AOAH: variants seen among roughly 807,000 people sequenced by gnomAD.
AOAH encodes the protein acyloxyacyl hydrolase.
In AOAH, 64 loss-of-function variants were observed where a neutral mutation model predicts 92.2. The ratio of observed to expected loss-of-function variants is 0.69; its 90% CI spans 0.57 to 0.86. The LOEUF (loss-of-function observed/expected upper bound fraction) is 0.86. AOAH is among the 40% of genes least tolerant of loss of function. AOAH has a pLI of 0.00. For missense variants in AOAH, 656 were observed against 694.6 expected (o/e 0.94, Z 0.62); for synonymous variants, 263 against 254.5 (o/e 1.03, Z -0.32).
chr7:36,720,374 T>C (rs1043360739), intron 1 of AOAH, among the ~76,000 whole-genome samples: 14 of 152,086 alleles, frequency 9.2e-5, no homozygotes, highest in African/African-American at 3.1e-4. Context: ...GGTTTCACCA[T>C]ATTGACCAGG....
chr7:36,679,823 A>G (rs1406866116), intron 2 of AOAH, among the ~76,000 whole-genome samples: 1 of 152,000 alleles, frequency 6.6e-6, no homozygotes, highest in Non-Finnish European at 1.5e-5. Context: ...ACGCCCAGTT[A>G]ATTTTTGTAT....
At chr7:36,604,621 C>G (rs1349687973) in intron 11 of AOAH, among the ~76,000 whole-genome samples, 4 of 152,192 alleles carry the variant, frequency 2.6e-5, no homozygotes, top group African/African-American at 4.8e-5. Context: ...TGTGCCTTCA[C>G]TTGGTCTTTT....
Position 36,627,389 on chromosome 7 carries a change from G to A in AOAH, c.522-4139C>T, listed in dbSNP as rs910872891. Reference sequence around the variant, plus strand: ...ACGGGAATTCTTTCAACGTAGCTCCGGGTTCTGAAATTAGATTCTCTGGGT... The same window carrying A: ...ACGGGAATTCTTTCAACGTAGCTCCAGGTTCTGAAATTAGATTCTCTGGGT... On this transcript the variant is annotated intron_variant, in intron 6 of 20. Coordinates refer to ENST00000617537, the MANE Select transcript of AOAH (RefSeq NM_001637.4). Among the ~76,000 whole-genome samples, 7 of 151,826 alleles carry A rather than the reference G, an allele frequency of 4.6e-5. No individual in the cohort carries two copies. The South Asian group carries it at 8.3e-4, about 18-fold the overall frequency.
rs900587323 is a variant in AOAH, at chr7:36,606,354, C to T, written c.846+10026G>A. Among the ~76,000 whole-genome samples, 9 of 152,116 alleles carry T rather than the reference C, an allele frequency of 5.9e-5. No individual in the cohort carries two copies. The East Asian group carries it at 1.2e-3, about 20-fold the overall frequency. On this transcript the variant is annotated intron_variant, in intron 11 of 20. Transcript: ENST00000617537. Reference sequence around the variant, plus strand: ...GCATATAAGCTTGAGAGATGGGAGCCGCTTTGCTCTCTAGTGAATATGCAT... The same window carrying T: ...GCATATAAGCTTGAGAGATGGGAGCTGCTTTGCTCTCTAGTGAATATGCAT...
intron 1 of AOAH, among the ~76,000 whole-genome samples, chr7:36,688,361 C>A (rs545381599): frequency 6.6e-6 from 1 of 151,860 alleles, no homozygotes; most frequent in African/African-American, 2.4e-5. Flanking sequence ...ACAGAGATAA[C>A]CAATTTCACT....
intron 5 of AOAH, among the ~76,000 whole-genome samples, chr7:36,635,938 T>C (rs1205989685): frequency 6.6e-6 from 1 of 152,222 alleles, no homozygotes; most frequent in East Asian, 1.9e-4. Flanking sequence ...ATCCATGAAA[T>C]GTTCCCTCTA....
intron 13 of AOAH, among the ~76,000 whole-genome samples, chr7:36,574,040 A>G (rs1562583159): frequency 6.6e-6 from 1 of 152,216 alleles, no homozygotes; most frequent in East Asian, 1.9e-4. Context: ...TTGCTGCGTA[A>G]TATCAAAAGA....
chr7:36,715,286 CA>C (rs1417663935), intron 1 of AOAH, among the ~76,000 whole-genome samples: 1 of 152,098 alleles, frequency 6.6e-6, no homozygotes, highest in African/African-American at 2.4e-5. Flanking sequence ...AGGACCTCTT[CA>C]GGGAGAACTA....
chr7:36,532,519 C>G lies in AOAH; in HGVS notation c.1307-175G>C, dbSNP rs757589099. Among the ~76,000 whole-genome samples the G allele has an allele frequency of 8.3e-4, 127 of 152,128 alleles. 1 individual carries two copies. Among genetic ancestry groups the G allele is most frequent in the Non-Finnish European group, 1.5e-3 (102 of 68,024 alleles). On this transcript the variant is annotated intron_variant, in intron 16 of 20. Transcript: ENST00000617537. ...CTGTGCTTTCCTCCTTTCTGAGCCT[C>G]TAGAAATTCAGACCCAGAGTTGAGG...
At chr7:36,675,034 C>A (rs539313284) in intron 2 of AOAH, among the ~76,000 whole-genome samples, 1 of 152,204 alleles carries the variant, frequency 6.6e-6, no homozygotes, top group Non-Finnish European at 1.5e-5. Flanking sequence ...GCGGGTAGAT[C>A]GCCTGCGGTC....
At chr7:36,543,943 C>CTTTTTTTTTTTTTTTTT (rs1407764591) in intron 15 of AOAH, among the ~76,000 whole-genome samples, 2 of 82,794 alleles carry the variant, frequency 2.4e-5, no homozygotes, top group Non-Finnish European at 5.0e-5. Flanking sequence ...TTCTTTCTTT[C>CTTTTTTTTTTTTTTTTT]TTTCTTTTTT....
chr7:36,709,199 G>C (rs1798612402), intron 1 of AOAH, among the ~76,000 whole-genome samples: 1 of 152,120 alleles, frequency 6.6e-6, no homozygotes, highest in African/African-American at 2.4e-5. Flanking sequence ...TGTAGGTTCT[G>C]CTTGTTAATT....
intron 1 of AOAH, among the ~76,000 whole-genome samples, chr7:36,722,246 A>G (rs1055327421): frequency 1.4e-4 from 21 of 152,068 alleles, no homozygotes; most frequent in Admixed American, 3.9e-4. Context: ...TAATAGAAAA[A>G]CCAGAGCAAC....
chr7:36,716,306 TA>T (rs1476673293), intron 1 of AOAH, among the ~76,000 whole-genome samples: 4 of 151,372 alleles, frequency 2.6e-5, no homozygotes, highest in African/African-American at 7.3e-5. Flanking sequence ...TGGCGATCAT[TA>T]AAAAGTCAGG....
intron 1 of AOAH, among the ~76,000 whole-genome samples, chr7:36,711,209 T>C (rs1043835839): frequency 3.3e-5 from 5 of 152,218 alleles, no homozygotes; most frequent in East Asian, 3.8e-4. Context: ...GCATTCATTC[T>C]GTCTAGGAAA....
chr7:36,645,288 A>G (rs1437906524), intron 4 of AOAH, among the ~76,000 whole-genome samples: 2 of 152,174 alleles, frequency 1.3e-5, no homozygotes, highest in Non-Finnish European at 2.9e-5. Context: ...TTTTCTCCAC[A>G]TGAGAACAAA....
At chr7:36,681,401 G>C (rs1448772058) in intron 2 of AOAH, among the ~76,000 whole-genome samples, 1 of 152,004 alleles carries the variant, frequency 6.6e-6, no homozygotes, top group Non-Finnish European at 1.5e-5. Flanking sequence ...AAATCATGTT[G>C]CGTGAAAAAA....
chr7:36,522,213 C>T (rs1379802729), intron 19 of AOAH, 98 bp from the exon 20 acceptor site: 2 of 1,070,508 alleles, frequency 1.9e-6, no homozygotes, highest in East Asian at 2.5e-5. Flanking sequence ...CCCTCCCGGG[C>T]CCATGTTGAC....
chr7:36,651,268 A>G (rs1428304702), intron 4 of AOAH, among the ~76,000 whole-genome samples: 1 of 152,184 alleles, frequency 6.6e-6, no homozygotes, highest in Non-Finnish European at 1.5e-5. Context: ...TACTTAATTT[A>G]TTCTACATAA....
Sources: gnomAD v4.1 joint callset for allele counts (sites outside exome capture counted in the v4.1 genomes callset) on GRCh38, gnomAD v4.1.1 for gene constraint, MANE v1.5 for transcripts, NCBI Gene and HGNC (gene_info 2026-07-23, HGNC 2026-07-21) for gene names.